ZNF107: variants seen among roughly 807,000 people sequenced by gnomAD.
The protein encoded by ZNF107 is zinc finger protein 107.
A neutral mutation model predicts 12.3 loss-of-function variants in ZNF107; 19 were observed. That is an observed-to-expected ratio of 1.55 (90% CI 1.08 to 2.27). The LOEUF is 2.27. Ranked by LOEUF, ZNF107 falls within the 30% of genes most tolerant of loss-of-function variation. The probability of loss-of-function intolerance (pLI) is 0.00; values close to 1 mark genes in which losing one functional copy is unlikely to be tolerated. For synonymous variants in ZNF107, 317 were observed against 330.5 expected (o/e 0.96, Z 0.44); for missense variants, 958 against 979.9 (o/e 0.98, Z 0.30).
intron 3 of ZNF107, among the ~76,000 whole-genome samples, chr7:64,698,724 T>C (rs1357978643): frequency 1.3e-5 from 2 of 152,232 alleles, no homozygotes; most frequent in Non-Finnish European, 2.9e-5. Context: ...CCTGGCTTGT[T>C]GCTCTTGCAT....
chr7:64,671,530 T>C (rs73361880), intron 1 of ZNF107, among the ~76,000 whole-genome samples: 7,120 of 152,242 alleles, frequency 0.047, 438 homozygotes, highest in African/African-American at 0.14. Flanking sequence ...TCTGCCTGCA[T>C]GGACGCAAAT....
intron 3 of ZNF107, among the ~76,000 whole-genome samples, chr7:64,699,689 T>C (rs1790403680): frequency 6.6e-6 from 1 of 152,186 alleles, no homozygotes; most frequent in Admixed American, 6.5e-5. Flanking sequence ...GTTGGTCTCA[T>C]GAGCTCCTGC....
chr7:64,701,143 T>C (rs988730071), intron 3 of ZNF107, among the ~76,000 whole-genome samples: 5 of 152,196 alleles, frequency 3.3e-5, no homozygotes, highest in Non-Finnish European at 7.3e-5. Context: ...CTTTGTCTCA[T>C]GCTAATACTT....
Position 64,708,601 on chromosome 7 carries a change from A to G in ZNF107, c.2504A>G (p.His835Arg), listed in dbSNP as rs773727115. The G allele has an allele frequency of 2.5e-6, 4 of 1,611,224 alleles. No homozygotes were observed. The highest frequency in any genetic ancestry group is 4.5e-5 in the East Asian group (2 of 44,702). Residue 835 changes from histidine (H) to arginine (R), a missense_variant, in exon 4 of 4, where the codon CAT becomes CGT. His to Arg is a conservative substitution (Grantham distance 29, BLOSUM62 0). Coordinates refer to ENST00000620827, the MANE Select transcript of ZNF107 (RefSeq NM_001282359.2). ...AFNLSSNLTT[H>R]KKIHTGEKPY... ...AACCTATCCTCAAATCTTACTACAC[A>G]TAAGAAAATTCATACTGGAGAGAAA...
chr7:64,688,605 C>T (rs776267343), intron 1 of ZNF107, among the ~76,000 whole-genome samples: 3 of 152,162 alleles, frequency 2.0e-5, no homozygotes, highest in Non-Finnish European at 4.4e-5. Flanking sequence ...ATGACACCTA[C>T]TGCTACTGCA....
chr7:64,680,686 C>T (rs547045677), intron 1 of ZNF107, among the ~76,000 whole-genome samples: 5 of 152,084 alleles, frequency 3.3e-5, no homozygotes, highest in Non-Finnish European at 7.4e-5. Context: ...GCCAGAAGGC[C>T]GACTCATGCA....
rs371273165 is a variant in ZNF107, at chr7:64,699,840, G to A, written c.227-6484G>A. Among the ~76,000 whole-genome samples, 55 of 152,080 alleles carry A rather than the reference G, an allele frequency of 3.6e-4. 1 individual carries two copies. In the Middle Eastern group the frequency reaches 0.024, roughly 66 times the overall value. On this transcript the variant is annotated intron_variant, in intron 3 of 3. Coordinates refer to ENST00000620827, the MANE Select transcript of ZNF107 (RefSeq NM_001282359.2). Reference sequence around the variant, plus strand: ...TCCCAGCACTTTGGGAGGCCGAGGCGGGCGGACCACTAGGTCAGGAGATCG... The same window carrying A: ...TCCCAGCACTTTGGGAGGCCGAGGCAGGCGGACCACTAGGTCAGGAGATCG...
chr7:64,691,925 A>G lies in ZNF107; in HGVS notation c.191A>G (p.Asn64Ser). ...TCLEQKKEPW[N>S]IKRHEMVAKP... is the part of the protein sequence containing the mutation. ...CTGGAGCAAAAAAAAGAGCCCTGGA[A>G]TATAAAAAGACATGAGATGGTAGCC... The change falls in exon 3 of 4, where the codon AAT (asparagine) becomes AGT (serine). Residue 64 changes from asparagine (N) to serine (S), a missense_variant. Physicochemically the swap from Asn to Ser is conservative, Grantham distance 46. Transcript: ENST00000620827. 1 of 1,533,226 alleles carries G rather than the reference A, an allele frequency of 6.5e-7. No homozygotes were observed. Among genetic ancestry groups the G allele is most frequent in the Non-Finnish European group, 8.7e-7 (1 of 1,143,378 alleles). The allele number at this position is 1,533,226 out of a possible 1,614,324, so 95.0% of individuals were successfully genotyped here.
intron 1 of ZNF107, among the ~76,000 whole-genome samples, chr7:64,689,073 A>G (rs950198669): frequency 1.3e-5 from 2 of 152,190 alleles, no homozygotes; most frequent in African/African-American, 4.8e-5. Flanking sequence ...ATCTTGGCTC[A>G]AATAAACTCT....
intron 3 of ZNF107, among the ~76,000 whole-genome samples, chr7:64,704,930 T>TG (rs1790590478): frequency 6.6e-6 from 1 of 152,294 alleles, no homozygotes; most frequent in South Asian, 2.1e-4. Flanking sequence ...CCACTTGCCT[T>TG]GGTCTCCCAA....
At chr7:64,677,243 C>T (rs1368338669) in intron 1 of ZNF107, among the ~76,000 whole-genome samples, 2 of 151,306 alleles carry the variant, frequency 1.3e-5, no homozygotes, top group Non-Finnish European at 2.9e-5. Flanking sequence ...ATGATTTTGG[C>T]TCACTGCAAC....
chr7:64,668,870 TGTG>T (rs1434987773), intron 1 of ZNF107, among the ~76,000 whole-genome samples: 1 of 152,084 alleles, frequency 6.6e-6, no homozygotes, highest in Non-Finnish European at 1.5e-5. Context: ...TACAAGAAAA[TGTG>T]GTAGATAATT....
chr7:64,670,671 G>A (rs914181690), intron 1 of ZNF107, among the ~76,000 whole-genome samples: 6 of 152,202 alleles, frequency 3.9e-5, no homozygotes, highest in African/African-American at 1.4e-4. Context: ...GAACACAAAG[G>A]ATGGGGACTT....
At chr7:64,694,727 A>G (rs745414873) in intron 3 of ZNF107, among the ~76,000 whole-genome samples, 1 of 152,070 alleles carries the variant, frequency 6.6e-6, no homozygotes, top group African/African-American at 2.4e-5. Flanking sequence ...CTGTTGGGAT[A>G]TAAGAAAGTA....
At chr7:64,685,188 C>T (rs772598438) in intron 1 of ZNF107, among the ~76,000 whole-genome samples, 5 of 152,186 alleles carry the variant, frequency 3.3e-5, no homozygotes, top group African/African-American at 7.2e-5. Context: ...AGCCCATACA[C>T]GGCCCTGTGA....
At chr7:64,669,373 TA>T (rs1192463093) in intron 1 of ZNF107, among the ~76,000 whole-genome samples, 1 of 152,192 alleles carries the variant, frequency 6.6e-6, no homozygotes, top group East Asian at 1.9e-4. Flanking sequence ...TCTTGATTAC[TA>T]ATCCCATATG....
chr7:64,677,627 G>A (rs548844226), intron 1 of ZNF107, among the ~76,000 whole-genome samples: 1 of 151,564 alleles, frequency 6.6e-6, no homozygotes, highest in South Asian at 2.1e-4. Flanking sequence ...GCCGAGGCGG[G>A]CGGATCATGA....
At chr7:64,682,980 C>T (rs1789744658) in intron 1 of ZNF107, among the ~76,000 whole-genome samples, 1 of 152,172 alleles carries the variant, frequency 6.6e-6, no homozygotes, top group African/African-American at 2.4e-5. Context: ...AGTCCCAAAC[C>T]CAGATCACAC....
intron 1 of ZNF107, among the ~76,000 whole-genome samples, chr7:64,671,779 C>CTTTTTT (rs1213610930): frequency 3.4e-5 from 4 of 116,546 alleles, no homozygotes; most frequent in Non-Finnish European, 3.6e-5. Context: ...CCTTTTTGTT[C>CTTTTTT]TTTTTTTTTT....
Sources: allele counts gnomAD v4.1 joint callset (sites outside exome capture counted in the v4.1 genomes callset), GRCh38; gene constraint gnomAD v4.1.1; transcripts MANE v1.5; gene names NCBI Gene and HGNC (gene_info 2026-07-23, HGNC 2026-07-21).